The following EFCAB8 variants were observed in gnomAD, a reference collection of about 807,000 sequenced individuals.
The protein encoded by EFCAB8 is EF-hand calcium binding domain 8.
EFCAB8 carries 100 observed loss-of-function variants against 116.3 expected under a neutral mutation model. That is an observed-to-expected ratio of 0.86 (90% CI 0.73 to 1.02). EFCAB8 has a LOEUF of 1.02. EFCAB8 is among the 50% of genes least tolerant of loss of function. The pLI, the probability that EFCAB8 is intolerant of heterozygous loss-of-function variation, is 0.00. For missense variants in EFCAB8, 1,320 were observed against 1,416.9 expected, an observed-to-expected ratio of 0.93 and a Z score of 1.10; for synonymous variants, 558 against 567.9, an observed-to-expected ratio of 0.98 and a Z score of 0.25.
chr20:32,893,353 T>A (rs1986009907), intron 9 of EFCAB8, 55 bp downstream of exon 9: 3 of 1,546,190 alleles, frequency 1.9e-6, no homozygotes, highest in Non-Finnish European at 2.6e-6. Flanking sequence ...TAGATGTGGG[T>A]GCTGAGGTCA....
At chr20:32,910,034 G>A in intron 15 of EFCAB8, 103 bp downstream of exon 15, 1 of 508,796 alleles carries the variant, frequency 2.0e-6, no homozygotes, top group Non-Finnish European at 3.1e-6. Flanking sequence ...AGCTCCCATG[G>A]CACATTGGGA....
chr20:32,883,696 C>CT (rs1045086393), intron 5 of EFCAB8, among the ~76,000 whole-genome samples: 174 of 146,266 alleles, frequency 1.2e-3, no homozygotes, highest in Middle Eastern at 3.5e-3. Context: ...TGGTCTATTT[C>CT]TTTTTTTTTT....
rs1340980103 is a variant in EFCAB8 at position 32,906,852 on chromosome 20, G to T, written c.1166G>T (p.Gly389Val). The T allele has an allele frequency of 2.1e-5, 31 of 1,478,546 alleles. No individual in the cohort carries two copies. The highest frequency in any genetic ancestry group is 2.8e-5 in the Non-Finnish European group (30 of 1,080,500). The allele number at this position is 1,478,546 out of a possible 1,614,324, so 91.6% of individuals were successfully genotyped here. A position where few individuals can be genotyped will look rare whatever the true frequency, so the allele number is the denominator to read the frequency against. The change falls in exon 13 of 27, where the codon GGC becomes GTC. Residue 389 changes from glycine (G) to valine (V), a missense_variant. Coordinates refer to ENST00000400522, the MANE Select transcript of EFCAB8 (RefSeq NM_001143967.2). ...CPDRNFLVTG[G>V]YDAFIRLWNP... ...CACGTCTTGACCACAGTGACTGGTG[G>T]CTACGATGCCTTCATCCGCCTGTGG... is the stretch of plus-strand genomic sequence containing the variant.
intron 3 of EFCAB8, among the ~76,000 whole-genome samples, chr20:32,870,402 C>CT (rs1273009930): frequency 1.3e-5 from 2 of 152,186 alleles, no homozygotes; most frequent in Non-Finnish European, 2.9e-5. Context: ...TTTCATGATA[C>CT]TTTTTTGATA....
rs959472907 is a variant in EFCAB8 at position 32,868,984 on chromosome 20, CA to C, written c.208+1249del. ...TAGACCACAGAGTGAGACTCCATCT[CA>C]AAAAAAAAAAAGTCGTCAGCTGGGG... is the stretch of plus-strand genomic sequence containing the variant. On this transcript the variant is annotated intron_variant, in intron 3 of 26. Coordinates refer to ENST00000400522, the MANE Select transcript of EFCAB8 (RefSeq NM_001143967.2). 7.3e-3 allele frequency among the ~76,000 whole-genome samples: 1,035 copies of C among 141,664 alleles called. 8 individuals carry two copies. The highest frequency in any genetic ancestry group is 0.021 in the African/African-American group (825 of 38,946). 92.9% of individuals were successfully genotyped at this position (141,664 alleles called of 152,430 possible). A position where few individuals can be genotyped will look rare whatever the true frequency, so the allele number is the denominator to read the frequency against.
At chr20:32,893,904 T>A (rs1431339566) in intron 9 of EFCAB8, among the ~76,000 whole-genome samples, 1 of 151,994 alleles carries the variant, frequency 6.6e-6, no homozygotes, top group Non-Finnish European at 1.5e-5. Context: ...GCAGAAAGGG[T>A]AAGGTCACCT....
intron 5 of EFCAB8, among the ~76,000 whole-genome samples, chr20:32,883,096 G>A (rs897052045): frequency 2.0e-5 from 3 of 152,132 alleles, no homozygotes; most frequent in Admixed American, 2.0e-4. Context: ...CTCCCAAAGT[G>A]CTGGTATTAC....
chr20:32,898,006 G>A (rs1986244713), intron 10 of EFCAB8, among the ~76,000 whole-genome samples: 1 of 152,212 alleles, frequency 6.6e-6, no homozygotes, highest in Non-Finnish European at 1.5e-5. Context: ...CCCTTCGACT[G>A]CGCGTCATCT....
chr20:32,887,550 G>A (rs534301365), intron 6 of EFCAB8, among the ~76,000 whole-genome samples: 8 of 152,374 alleles, frequency 5.3e-5, no homozygotes, highest in African/African-American at 1.9e-4. Flanking sequence ...GCTCTAGCCT[G>A]GGCGACAGAG....
At chr20:32,898,037 G>C (rs751940298) in intron 10 of EFCAB8, among the ~76,000 whole-genome samples, 1 of 152,166 alleles carries the variant, frequency 6.6e-6, no homozygotes, top group Non-Finnish European at 1.5e-5. Flanking sequence ...AAGTTGCCGT[G>C]AAATGCACAT....
chr20:32,941,617 A>C (rs1988411091), intron 22 of EFCAB8, among the ~76,000 whole-genome samples: 1 of 152,200 alleles, frequency 6.6e-6, no homozygotes, highest in African/African-American at 2.4e-5. Context: ...CCAACCACAA[A>C]ATACCATATA....
rs77734517 is a variant in EFCAB8, at chr20:32,949,705, C to G, written c.2959+5901C>G. Among the ~76,000 whole-genome samples the G allele has an allele frequency of 8.2e-3, 1,244 of 152,238 alleles. 21 individuals are homozygous for G. Among genetic ancestry groups the G allele is most frequent in the East Asian group, 0.05 (259 of 5,188 alleles). Reference sequence around the variant, plus strand: ...CACACCTCACACCACATACAAAAAGCAATTCAAAATGGGCCATGCATGATG... The same window carrying G: ...CACACCTCACACCACATACAAAAAGGAATTCAAAATGGGCCATGCATGATG... On this transcript the variant is annotated intron_variant, in intron 23 of 26. Coordinates refer to ENST00000400522, the MANE Select transcript of EFCAB8 (RefSeq NM_001143967.2).
In EFCAB8 at chr20:32,862,837, C is replaced by T. The variant is rs1041103322; in HGVS notation, c.-10-946C>T. On this transcript the variant is annotated intron_variant, in intron 1 of 26. Coordinates refer to ENST00000400522, the MANE Select transcript of EFCAB8 (RefSeq NM_001143967.2). ...AGAGACAGGGTTTCAATATGTTGGCCAGGCTGGTCTCATTTGAACTGTTGA... is the reference window on the plus strand; with the variant it reads ...AGAGACAGGGTTTCAATATGTTGGCTAGGCTGGTCTCATTTGAACTGTTGA... Among the ~76,000 whole-genome samples the T allele has an allele frequency of 2.6e-5, 4 of 152,048 alleles. No individual in the cohort carries two copies. In the East Asian group the frequency reaches 7.8e-4, roughly 30 times the overall value.
At chr20:32,924,040 A>C (rs1055733328) in intron 20 of EFCAB8, among the ~76,000 whole-genome samples, 1 of 152,252 alleles carries the variant, frequency 6.6e-6, no homozygotes, top group South Asian at 2.1e-4. Flanking sequence ...CAATGAACTT[A>C]ATGGTTTACA....
At chr20:32,924,285 A>G (rs569407894) in intron 20 of EFCAB8, among the ~76,000 whole-genome samples, 1 of 152,196 alleles carries the variant, frequency 6.6e-6, no homozygotes, top group East Asian at 1.9e-4. Context: ...GCTAGTCTTG[A>G]CCTTCTGGGC....
rs373402663 is a variant in EFCAB8 at position 32,959,927 on chromosome 20, G to A, written c.3239G>A (p.Arg1080His). 70 of 1,551,480 alleles carry A rather than the reference G, an allele frequency of 4.5e-5. 1 individual carries two copies. In the Middle Eastern group the frequency reaches 5.0e-4, roughly 11 times the overall value. The change falls in exon 25 of 27, where the codon CGC (arginine) becomes CAC (histidine). Residue 1080 changes from arginine (R) to histidine (H), a missense_variant. Transcript: ENST00000400522. ...MALMSPWAGE[R>H]PLEDIEDSWN... ...CTGATGTCCCCGTGGGCCGGAGAGC[G>A]CCCCCTGGAAGACATTGAGGACAGC...
intron 17 of EFCAB8, among the ~76,000 whole-genome samples, chr20:32,914,755 G>A (rs747789040): frequency 6.6e-6 from 1 of 152,150 alleles, no homozygotes; most frequent in South Asian, 2.1e-4. Flanking sequence ...CCTCCTACCA[G>A]GTCCCTCCCT....
intron 18 of EFCAB8, 133 bp from the exon 19 acceptor site, chr20:32,918,229 A>C: frequency 1.2e-6 from 1 of 840,452 alleles, no homozygotes; most frequent in Admixed American, 2.5e-5. Flanking sequence ...GATGCCTTTA[A>C]GGGGGCTAGG....
chr20:32,885,790 T>G (rs994808675), intron 6 of EFCAB8, 150 bp downstream of exon 6: 3 of 1,002,676 alleles, frequency 3.0e-6, no homozygotes, highest in Non-Finnish European at 4.3e-6. Context: ...CTGACTTGGC[T>G]TCACTGTGGG....
Sources: allele counts gnomAD v4.1 joint callset (sites outside exome capture counted in the v4.1 genomes callset), GRCh38; gene constraint gnomAD v4.1.1; transcripts MANE v1.5; gene names NCBI Gene and HGNC (gene_info 2026-07-23, HGNC 2026-07-21).